Variants in LPP observed in about 807,000 individuals in gnomAD.
The protein encoded by LPP is lipoma-preferred partner.
In LPP, 38 loss-of-function variants were observed where a neutral mutation model predicts 60.4. The ratio of observed to expected loss-of-function variants is 0.63; its 90% CI spans 0.49 to 0.83. The LOEUF (loss-of-function observed/expected upper bound fraction) is 0.83, where lower values mean the gene tolerates loss of function less well. Among genes scored for constraint, LPP ranks in the 40% least tolerant of loss-of-function variants. The pLI is 0.00. For synonymous variants in LPP, 328 were observed against 290.8 expected (o/e 1.13, Z -1.30); for missense variants, 902 against 783.6 (o/e 1.15, Z -1.80).
chr3:188,264,270 T>A (rs184789439), intron 2 of LPP, among the ~76,000 whole-genome samples: 1,580 of 150,818 alleles, frequency 0.01, 20 homozygotes, highest in African/African-American at 0.035. Context: ...TGTGTGTGTG[T>A]GAGAGAGAGA....
At chr3:188,294,183 C>T (rs531898758) in intron 2 of LPP, among the ~76,000 whole-genome samples, 5 of 151,694 alleles carry the variant, frequency 3.3e-5, no homozygotes, top group Non-Finnish European at 2.9e-5. Flanking sequence ...TAGTGGTTGC[C>T]GGCAGGGTTG....
At chr3:188,484,355 G>A (rs1443662751) in intron 4 of LPP, among the ~76,000 whole-genome samples, 2 of 152,000 alleles carry the variant, frequency 1.3e-5, no homozygotes, top group Admixed American at 1.3e-4. Context: ...TTAATATATT[G>A]ACCCCTCTAG....
intron 3 of LPP, among the ~76,000 whole-genome samples, chr3:188,386,902 T>C (rs1036765895): frequency 1.3e-5 from 2 of 152,142 alleles, no homozygotes; most frequent in African/African-American, 4.8e-5. Flanking sequence ...ACGAAGACAT[T>C]ATAATGACCC....
chr3:188,224,623 C>T (rs985445539), intron 1 of LPP, among the ~76,000 whole-genome samples: 4 of 152,108 alleles, frequency 2.6e-5, no homozygotes, highest in Non-Finnish European at 5.9e-5. Context: ...CTGGCATCTG[C>T]TTGGCTTCTG....
intron 6 of LPP, among the ~76,000 whole-genome samples, chr3:188,537,429 C>A (rs747193306): frequency 6.6e-6 from 1 of 152,172 alleles, no homozygotes; most frequent in Non-Finnish European, 1.5e-5. Flanking sequence ...TTAACAGTGG[C>A]TTTCTGAGAA....
chr3:188,309,281 A>G (rs1041576816), intron 2 of LPP, among the ~76,000 whole-genome samples: 5 of 152,066 alleles, frequency 3.3e-5, no homozygotes, highest in Non-Finnish European at 7.4e-5. Context: ...TTGCCCTCCC[A>G]AAGTGCTGGG....
intron 2 of LPP, among the ~76,000 whole-genome samples, chr3:188,318,753 C>CTTTTTTTTTTT (rs10708836): frequency 5.2e-5 from 5 of 96,836 alleles, no homozygotes; most frequent in African/African-American, 1.5e-4. Flanking sequence ...AATTATGATT[C>CTTTTTTTTTTT]TTTTTTTTTT....
chr3:188,331,288 C>T (rs1159965411), intron 2 of LPP, among the ~76,000 whole-genome samples: 1 of 152,116 alleles, frequency 6.6e-6, no homozygotes, highest in Non-Finnish European at 1.5e-5. Context: ...TCTCCCAAAC[C>T]CAGAATTGCA....
At chr3:188,650,415 C>T (rs766849610) in intron 7 of LPP, among the ~76,000 whole-genome samples, 1 of 152,212 alleles carries the variant, frequency 6.6e-6, no homozygotes, top group African/African-American at 2.4e-5. Context: ...TAGCATAAAG[C>T]GGGGACATAA....
At chr3:188,859,708 G>A (rs57531515) in intron 9 of LPP, among the ~76,000 whole-genome samples, 2,150 of 152,220 alleles carry the variant, frequency 0.014, 49 homozygotes, top group African/African-American at 0.049. Flanking sequence ...TGAGGCAATA[G>A]ATGCAAAAAG....
chr3:188,520,133 A>G (rs775723951), intron 5 of LPP, among the ~76,000 whole-genome samples: 4 of 152,206 alleles, frequency 2.6e-5, no homozygotes, highest in Non-Finnish European at 5.9e-5. Flanking sequence ...ATAAGTCCCA[A>G]CTGTGGTTTG....
intron 9 of LPP, among the ~76,000 whole-genome samples, chr3:188,864,248 T>C (rs556379529): frequency 1.3e-5 from 2 of 152,358 alleles, no homozygotes; most frequent in African/African-American, 4.8e-5. Flanking sequence ...GGAAGGATGA[T>C]GATGGATTTA....
intron 9 of LPP, among the ~76,000 whole-genome samples, chr3:188,788,598 A>T (rs1399715956): frequency 6.6e-6 from 1 of 152,144 alleles, no homozygotes; most frequent in Non-Finnish European, 1.5e-5. Context: ...GGGAGGGTTG[A>T]TGTCTTGTTT....
chr3:188,275,633 G>A (rs1227088349), intron 2 of LPP, among the ~76,000 whole-genome samples: 1 of 152,046 alleles, frequency 6.6e-6, no homozygotes, highest in Non-Finnish European at 1.5e-5. Context: ...AGTCTAACTG[G>A]GCATCATTCA....
chr3:188,434,803 C>G (rs1791900312), intron 4 of LPP, among the ~76,000 whole-genome samples: 1 of 152,172 alleles, frequency 6.6e-6, no homozygotes, highest in African/African-American at 2.4e-5. Context: ...TAGATGATGT[C>G]ATAAATTCCT....
chr3:188,417,533 C>T (rs186972500), intron 4 of LPP, among the ~76,000 whole-genome samples: 45 of 152,226 alleles, frequency 3.0e-4, no homozygotes, highest in Non-Finnish European at 5.0e-4. Context: ...ATCTGGGCTC[C>T]TGGGAATAGC....
At chr3:188,744,962 T>G (rs1333372345) in intron 8 of LPP, among the ~76,000 whole-genome samples, 4 of 152,104 alleles carry the variant, frequency 2.6e-5, no homozygotes, top group Non-Finnish European at 5.9e-5. Context: ...TTAATTGGCT[T>G]TTCCTTTACT....
chr3:188,864,754 AG>A (rs1211926440), intron 9 of LPP, among the ~76,000 whole-genome samples: 1 of 152,248 alleles, frequency 6.6e-6, no homozygotes, highest in Non-Finnish European at 1.5e-5. Context: ...AGAACCATAA[AG>A]GGGGGTTGGA....
intron 1 of LPP, among the ~76,000 whole-genome samples, chr3:188,160,494 C>G (rs1717934218): frequency 6.6e-6 from 1 of 152,232 alleles, no homozygotes; most frequent in Non-Finnish European, 1.5e-5. Flanking sequence ...GTGCCCAGCC[C>G]TCTGTTTTCT....
Sources: gnomAD v4.1 joint callset for allele counts (sites outside exome capture counted in the v4.1 genomes callset) on GRCh38, gnomAD v4.1.1 for gene constraint, MANE v1.5 for transcripts, NCBI Gene and HGNC (gene_info 2026-07-23, HGNC 2026-07-21) for gene names.